The following TLN2 variants were observed in gnomAD, a reference collection of about 807,000 sequenced individuals.
The protein encoded by TLN2 is talin-2.
Under a neutral mutation model 294.7 loss-of-function variants are expected in TLN2, and 118 were observed. The observed-to-expected ratio is 0.40, with a 90% confidence interval of 0.34 to 0.47. The LOEUF (loss-of-function observed/expected upper bound fraction) is 0.47. Among genes scored for constraint, TLN2 ranks in the 20% least tolerant of loss-of-function variants. The pLI is 0.84. For synonymous variants in TLN2, 1,431 were observed against 1,304.5 expected (o/e 1.10, Z -2.09); for missense variants, 3,083 against 3,282.2 (o/e 0.94, Z 1.48).
chr15:62,702,936 T>C (rs1415649983), intron 19 of TLN2, 72 bp downstream of exon 19: 1 of 1,395,710 alleles, frequency 7.2e-7, no homozygotes, highest in Non-Finnish European at 1.0e-6. Context: ...AGGCAGAATG[T>C]AATATTTGAA....
chr15:62,629,058 A>G (rs373324225), intron 3 of TLN2, among the ~76,000 whole-genome samples: 8 of 152,130 alleles, frequency 5.3e-5, no homozygotes, highest in African/African-American at 1.7e-4. Flanking sequence ...TTAGCTTGGC[A>G]TAGTAGCACA....
intron 1 of TLN2, among the ~76,000 whole-genome samples, chr15:62,507,978 A>G (rs932809015): frequency 1.3e-5 from 2 of 152,112 alleles, no homozygotes; most frequent in Middle Eastern, 3.4e-3. Flanking sequence ...ATCATTGGTG[A>G]AATTTCAAGG....
intron 11 of TLN2, among the ~76,000 whole-genome samples, chr15:62,677,806 C>CTTTATTTTTTTTTTTTTT (rs2056395223): frequency 1.3e-5 from 1 of 75,252 alleles, no homozygotes; most frequent in Non-Finnish European, 2.4e-5. Context: ...GCACTTGCAA[C>CTTTATTTTTTTTTTTTTT]TTTTTTTTTT....
At chr15:62,662,970 C>T (rs2054065133) in intron 9 of TLN2, among the ~76,000 whole-genome samples, 1 of 151,744 alleles carries the variant, frequency 6.6e-6, no homozygotes, top group South Asian at 2.1e-4. Context: ...ACTACAGGTG[C>T]CTGCCACCAC....
At chr15:62,434,376 G>A (rs1010396248) in intron 1 of TLN2, among the ~76,000 whole-genome samples, 1 of 152,118 alleles carries the variant, frequency 6.6e-6, no homozygotes, top group African/African-American at 2.4e-5. Context: ...TTTAACAGCA[G>A]TTTTATATTC....
intron 20 of TLN2, 62 bp downstream of exon 20, chr15:62,707,315 G>A (rs2059134410): frequency 1.3e-6 from 2 of 1,507,338 alleles, no homozygotes; most frequent in African/African-American, 1.4e-5. Context: ...CTGCCTCCAG[G>A]CATTTGGTGT....
chr15:62,774,905 C>T (rs1384668327), intron 42 of TLN2, among the ~76,000 whole-genome samples: 1 of 151,788 alleles, frequency 6.6e-6, no homozygotes, highest in Non-Finnish European at 1.5e-5. Flanking sequence ...GCTCCTGTCT[C>T]CCCCAGAAGG....
intron 46 of TLN2, among the ~76,000 whole-genome samples, chr15:62,793,760 T>G (rs572743404): frequency 4.2e-4 from 64 of 151,760 alleles, no homozygotes; most frequent in African/African-American, 1.5e-3. Context: ...GGATAAAGCA[T>G]CCAGGCTTGG....
intron 52 of TLN2, among the ~76,000 whole-genome samples, chr15:62,810,380 C>T (rs1271097106): frequency 6.6e-6 from 1 of 152,154 alleles, no homozygotes; most frequent in Non-Finnish European, 1.5e-5. Flanking sequence ...TGTTAGGAAA[C>T]CCCCAGTACA....
intron 1 of TLN2, among the ~76,000 whole-genome samples, chr15:62,481,513 C>A (rs1205532168): frequency 6.6e-6 from 1 of 152,178 alleles, no homozygotes; most frequent in Non-Finnish European, 1.5e-5. Context: ...CAGGCACATG[C>A]CACCATGCCT....
chr15:62,782,460 G>A (rs1354774209), intron 44 of TLN2, among the ~76,000 whole-genome samples: 1 of 152,204 alleles, frequency 6.6e-6, no homozygotes, highest in Non-Finnish European at 1.5e-5. Flanking sequence ...GCAGCCTCAT[G>A]GTGTTTCTGG....
intron 22 of TLN2, among the ~76,000 whole-genome samples, chr15:62,713,929 ATG>A (rs1555485353): frequency 9.7e-4 from 122 of 125,268 alleles, no homozygotes; most frequent in Middle Eastern, 5.0e-3. Flanking sequence ...GTGTGTGTGT[ATG>A]TGTGTGTGTG....
intron 1 of TLN2, among the ~76,000 whole-genome samples, chr15:62,519,782 G>A (rs745556215): frequency 3.9e-5 from 6 of 152,196 alleles, no homozygotes; most frequent in Admixed American, 1.3e-4. Context: ...AGTGTGTTAC[G>A]TGCATATGAA....
chr15:62,506,451 A>C (rs1174427355), intron 1 of TLN2, among the ~76,000 whole-genome samples: 1 of 152,246 alleles, frequency 6.6e-6, no homozygotes, highest in Non-Finnish European at 1.5e-5. Context: ...GTGGTATTAC[A>C]AACACCAGAC....
At chr15:62,788,046 C>T (rs922851977) in intron 45 of TLN2, among the ~76,000 whole-genome samples, 8 of 150,852 alleles carry the variant, frequency 5.3e-5, no homozygotes, top group Non-Finnish European at 1.0e-4. Context: ...CTCTGTGGCT[C>T]ACGCCTGTAA....
intron 1 of TLN2, among the ~76,000 whole-genome samples, chr15:62,474,067 C>T (rs2037647909): frequency 6.6e-6 from 1 of 152,162 alleles, no homozygotes; most frequent in East Asian, 1.9e-4. Context: ...TGAGCTCCAA[C>T]CTGGGTAACG....
chr15:62,408,643 A>G (rs2033575272), intron 1 of TLN2, among the ~76,000 whole-genome samples: 1 of 152,168 alleles, frequency 6.6e-6, no homozygotes, highest in Non-Finnish European at 1.5e-5. Context: ...ATATAGTAAA[A>G]TACATGGTTT....
intron 51 of TLN2, among the ~76,000 whole-genome samples, chr15:62,808,599 C>A (rs766784625): frequency 6.6e-5 from 10 of 152,164 alleles, no homozygotes; most frequent in Non-Finnish European, 1.3e-4. Context: ...TCAGCTCCAC[C>A]TCTCCCACTC....
At chr15:62,796,022 A>G in intron 46 of TLN2, 105 bp from the exon 47 acceptor site, 1 of 1,424,492 alleles carries the variant, frequency 7.0e-7, no homozygotes, top group Non-Finnish European at 9.5e-7. Context: ...GTTAACCTCT[A>G]AGCTACATCA....
Sources: allele counts gnomAD v4.1 joint callset (sites outside exome capture counted in the v4.1 genomes callset), GRCh38; gene constraint gnomAD v4.1.1; transcripts MANE v1.5; gene names NCBI Gene and HGNC (gene_info 2026-07-23, HGNC 2026-07-21).